The following CNTNAP2 variants were observed in gnomAD, a reference collection of about 807,000 sequenced individuals.
The protein encoded by CNTNAP2 is contactin associated protein 2.
Under a neutral mutation model 155.2 loss-of-function variants are expected in CNTNAP2, and 98 were observed. That is an observed-to-expected ratio of 0.63 (90% confidence interval 0.54 to 0.75). The LOEUF (loss-of-function observed/expected upper bound fraction) is 0.75, where lower values mean the gene tolerates loss of function less well. Ranked by LOEUF, CNTNAP2 falls within the 30% of genes least tolerant of loss-of-function variation. The pLI is 0.00. For synonymous variants in CNTNAP2, 651 were observed against 631.2 expected (o/e 1.03, Z -0.47); for missense variants, 1,727 against 1,688.1 (o/e 1.02, Z -0.40).
intron 15 of CNTNAP2, among the ~76,000 whole-genome samples, chr7:148,003,528 T>TTTGAGGAGAAGTATTGA (rs1801930008): frequency 6.6e-6 from 1 of 152,178 alleles, no homozygotes; most frequent in Non-Finnish European, 1.5e-5. Context: ...GAGCCAAGGT[T>TTTGAGGAGAAGTATTGA]GGAGAAGGGG....
intron 10 of CNTNAP2, among the ~76,000 whole-genome samples, chr7:147,444,186 G>A (rs2116554842): frequency 6.6e-6 from 1 of 152,290 alleles, no homozygotes; most frequent in South Asian, 2.1e-4. Flanking sequence ...TGCTAGATTA[G>A]GAACATGGTT....
rs1042802285 is a variant in CNTNAP2 at position 147,722,139 on chromosome 7, C to T, written c.2098+82833C>T. ...GGGCTAGCCCCAAACCATCAGCGTG[C>T]CCTTTCCTCATGGACAGTGTGGGAG... On this transcript the variant is annotated intron_variant, in intron 13 of 23. Coordinates refer to ENST00000361727, the MANE Select transcript of CNTNAP2 (RefSeq NM_014141.6). 5.9e-5 allele frequency among the ~76,000 whole-genome samples: 9 copies of T among 152,316 alleles called. No individual in the cohort carries two copies. In the South Asian group the frequency reaches 6.2e-4, roughly 11 times the overall value.
rs183445848 is a variant in CNTNAP2, at chr7:147,921,495, A to G, written c.2255+17774A>G. ...CCTAGGGACTTTGATGCAATAGTCA[A>G]TTGTAAAATAGACTTTTCCAAAGTC... On this transcript the variant is annotated intron_variant, in intron 14 of 23. Coordinates refer to ENST00000361727, the MANE Select transcript of CNTNAP2 (RefSeq NM_014141.6). Among the ~76,000 whole-genome samples, 7 of 152,364 alleles carry G rather than the reference A, an allele frequency of 4.6e-5. No homozygotes were observed. In the East Asian group the frequency reaches 5.8e-4, roughly 13 times the overall value.
intron 15 of CNTNAP2, among the ~76,000 whole-genome samples, chr7:148,085,725 C>CTCCTTCCT (rs1803714537): frequency 7.3e-6 from 1 of 137,738 alleles, no homozygotes; most frequent in Non-Finnish European, 1.6e-5. Context: ...CCTTCCTTCC[C>CTCCTTCCT]TCCTTCCTTC....
intron 1 of CNTNAP2, among the ~76,000 whole-genome samples, chr7:146,623,460 T>C (rs920763070): frequency 2.0e-5 from 3 of 152,196 alleles, no homozygotes; most frequent in Non-Finnish European, 4.4e-5. Context: ...CTGCAACTAA[T>C]AGGTGTACCC....
intron 3 of CNTNAP2, among the ~76,000 whole-genome samples, chr7:146,846,579 A>G (rs1399897182): frequency 6.6e-6 from 1 of 152,080 alleles, no homozygotes; most frequent in Non-Finnish European, 1.5e-5. Context: ...CTACTAGTGA[A>G]TTTTGATCAC....
chr7:148,367,709 A>G (rs1363893619), intron 21 of CNTNAP2, among the ~76,000 whole-genome samples: 1 of 152,226 alleles, frequency 6.6e-6, no homozygotes, highest in African/African-American at 2.4e-5. Context: ...ATGATAACAT[A>G]TTTTAGAGGC....
At chr7:147,329,539 G>A (rs1047344909) in intron 9 of CNTNAP2, among the ~76,000 whole-genome samples, 4 of 152,010 alleles carry the variant, frequency 2.6e-5, no homozygotes, top group Non-Finnish European at 5.9e-5. Flanking sequence ...CATAAGATAC[G>A]ATTGCCAGAA....
At chr7:148,304,518 A>G (rs1222787779) in intron 21 of CNTNAP2, among the ~76,000 whole-genome samples, 2 of 152,210 alleles carry the variant, frequency 1.3e-5, no homozygotes, top group African/African-American at 4.8e-5. Context: ...AGAGCAAAAC[A>G]ATGAGTATTT....
At chr7:146,474,517 G>A (rs1796846443) in intron 1 of CNTNAP2, among the ~76,000 whole-genome samples, 1 of 151,220 alleles carries the variant, frequency 6.6e-6, no homozygotes, top group Non-Finnish European at 1.5e-5. Flanking sequence ...TTGAGCTTTA[G>A]CATTGGAGGG....
At chr7:146,810,742 T>C (rs976806645) in intron 2 of CNTNAP2, among the ~76,000 whole-genome samples, 9 of 152,262 alleles carry the variant, frequency 5.9e-5, no homozygotes, top group African/African-American at 1.9e-4. Context: ...ATTAAGCTGT[T>C]CACCATTAAG....
In CNTNAP2 at chr7:147,553,245, A is replaced by G. The variant is rs115455908; in HGVS notation, c.1778-8893A>G. Among the ~76,000 whole-genome samples the G allele has an allele frequency of 6.4e-3, 977 of 152,286 alleles. 13 individuals are homozygous for G. Among genetic ancestry groups the G allele is most frequent in the African/African-American group, 0.022 (919 of 41,566 alleles). ...TACCTGCCCTTGAATCTAAGATCGCAGAGACCAGTGCAGATGAATAGAGAA... is the reference window on the plus strand; with the variant it reads ...TACCTGCCCTTGAATCTAAGATCGCGGAGACCAGTGCAGATGAATAGAGAA... On this transcript the variant is annotated intron_variant, in intron 11 of 23. Coordinates refer to ENST00000361727, the MANE Select transcript of CNTNAP2 (RefSeq NM_014141.6).
chr7:146,463,034 C>T (rs761266303), intron 1 of CNTNAP2, among the ~76,000 whole-genome samples: 2 of 151,944 alleles, frequency 1.3e-5, no homozygotes, highest in Non-Finnish European at 2.9e-5. Context: ...TCCAGTTCGT[C>T]ATGGGAGCAA....
In CNTNAP2 at chr7:146,803,239, A is replaced by G. The variant is rs150961150; in HGVS notation, c.208+28858A>G. Among the ~76,000 whole-genome samples, 4 of 152,346 alleles carry G rather than the reference A, an allele frequency of 2.6e-5. No homozygotes were observed. The East Asian group carries it at 7.7e-4, about 29-fold the overall frequency. Reference sequence around the variant, plus strand: ...GAAAAGAATAACTTCCCAGATATCTAGCAAAAGGGAAGCAATAGAATACAC... The same window carrying G: ...GAAAAGAATAACTTCCCAGATATCTGGCAAAAGGGAAGCAATAGAATACAC... On this transcript the variant is annotated intron_variant, in intron 2 of 23. Coordinates refer to ENST00000361727, the MANE Select transcript of CNTNAP2 (RefSeq NM_014141.6).
At chr7:147,071,970 T>C (rs1028179624) in intron 4 of CNTNAP2, among the ~76,000 whole-genome samples, 4 of 152,116 alleles carry the variant, frequency 2.6e-5, no homozygotes, top group African/African-American at 7.2e-5. Flanking sequence ...TCTGCCTTTG[T>C]GGGGAGACTG....
chr7:147,341,411 C>T (rs1284696838), intron 9 of CNTNAP2, among the ~76,000 whole-genome samples: 1 of 148,250 alleles, frequency 6.7e-6, no homozygotes, highest in East Asian at 2.0e-4. Flanking sequence ...ATGTTCTACA[C>T]ATGTATCCCA....
At chr7:147,908,652 G>A (rs1800009668) in intron 14 of CNTNAP2, among the ~76,000 whole-genome samples, 1 of 152,182 alleles carries the variant, frequency 6.6e-6, no homozygotes, top group South Asian at 2.1e-4. Flanking sequence ...CACAGAGAAG[G>A]GCTGGGAGAT....
intron 1 of CNTNAP2, among the ~76,000 whole-genome samples, chr7:146,152,116 G>A (rs958503490): frequency 6.6e-6 from 1 of 151,974 alleles, no homozygotes; most frequent in Non-Finnish European, 1.5e-5. Context: ...ATCAATCTAT[G>A]TGTCCATCAA....
At chr7:147,988,764 G>T (rs937576582) in intron 15 of CNTNAP2, among the ~76,000 whole-genome samples, 1 of 152,156 alleles carries the variant, frequency 6.6e-6, no homozygotes, top group Admixed American at 6.5e-5. Context: ...CCGTAATTTG[G>T]TTTCTCTGCT....
Sources: allele counts gnomAD v4.1 joint callset (sites outside exome capture counted in the v4.1 genomes callset), GRCh38; gene constraint gnomAD v4.1.1; transcripts MANE v1.5; gene names NCBI Gene and HGNC (gene_info 2026-07-23, HGNC 2026-07-21).